The following CBL variants were observed in gnomAD, a reference collection of about 807,000 sequenced individuals.
CBL encodes the protein Cbl proto-oncogene.
In CBL, 45 loss-of-function variants were observed where a neutral mutation model predicts 96.9. The ratio of observed to expected loss-of-function variants is 0.46; its 90% confidence interval spans 0.37 to 0.60. CBL has a LOEUF of 0.60. CBL is among the 20% of genes least tolerant of loss of function. The pLI is 0.00. For missense variants in CBL, 1,024 were observed against 1,143.5 expected, an observed-to-expected ratio of 0.90 and a Z score of 1.51; for synonymous variants, 420 against 426.8, an observed-to-expected ratio of 0.98 and a Z score of 0.20.
At chr11:119,283,595 A>G (rs1949954501) in intron 9 of CBL, among the ~76,000 whole-genome samples, 1 of 145,958 alleles carries the variant, frequency 6.9e-6, no homozygotes, top group Non-Finnish European at 1.5e-5. Context: ...GCTCAAATTG[A>G]CAGAAAATAT....
intron 2 of CBL, among the ~76,000 whole-genome samples, chr11:119,234,681 C>G (rs1434242379): frequency 1.3e-5 from 2 of 152,142 alleles, no homozygotes; most frequent in Non-Finnish European, 2.9e-5. Flanking sequence ...ACCTGTAATT[C>G]TAGCTACTCA....
At chr11:119,249,119 C>T (rs1040553207) in intron 2 of CBL, among the ~76,000 whole-genome samples, 2 of 152,132 alleles carry the variant, frequency 1.3e-5, no homozygotes, top group Admixed American at 6.5e-5. Context: ...AAAGCAAGGA[C>T]TTGAACAGAT....
chr11:119,247,460 G>A lies in CBL; in HGVS notation c.443+14765G>A, dbSNP rs546648543. ...TAGAAAATTCTAAAGAATCCATTAAGAAAACACTAAAGCCAATAAATGAGT... is the reference window on the plus strand; with the variant it reads ...TAGAAAATTCTAAAGAATCCATTAAAAAAACACTAAAGCCAATAAATGAGT... On this transcript the variant is annotated intron_variant, in intron 2 of 15. Transcript: ENST00000264033. Among the ~76,000 whole-genome samples the A allele has an allele frequency of 3.3e-5, 5 of 152,298 alleles. No homozygotes were observed. The South Asian group carries it at 8.3e-4, about 25-fold the overall frequency.
chr11:119,240,891 C>T (rs910384293), intron 2 of CBL, among the ~76,000 whole-genome samples: 11 of 151,852 alleles, frequency 7.2e-5, no homozygotes, highest in South Asian at 4.2e-4. Context: ...TGGCTAACAT[C>T]GTGAAACCCC....
chr11:119,276,165 G>A (rs755770027), intron 6 of CBL, 31 bp downstream of exon 6: 2 of 1,612,872 alleles, frequency 1.2e-6, no homozygotes, highest in African/African-American at 1.3e-5. Flanking sequence ...ATCTGTTAGA[G>A]TCTGGGAACT....
Position 119,306,054 on chromosome 11 carries a change from G to A in CBL, c.*6273G>A. 1 of 377,192 alleles carries A rather than the reference G, an allele frequency of 2.7e-6. No individual in the cohort carries two copies. The highest frequency in any genetic ancestry group is 4.7e-6 in the Non-Finnish European group (1 of 212,698). The allele number at this position is 377,192 out of a possible 1,614,324, so 23.4% of individuals were successfully genotyped here. A position where few individuals can be genotyped will look rare whatever the true frequency, so the allele number is the denominator to read the frequency against. On this transcript the variant is annotated 3_prime_UTR_variant, in exon 16 of 16. Coordinates refer to ENST00000264033, the MANE Select transcript of CBL (RefSeq NM_005188.4). ...ACTGTGTCCCAGGAAATCTGGGTTG[G>A]TTCCAGTGGGAAATACCAGTATTTC... is the stretch of plus-strand genomic sequence containing the variant.
intron 1 of CBL, among the ~76,000 whole-genome samples, chr11:119,219,132 C>G (rs1031708009): frequency 6.6e-6 from 1 of 152,100 alleles, no homozygotes; most frequent in African/African-American, 2.4e-5. Flanking sequence ...AATCTCAGCA[C>G]TGAGGGAGGC....
Position 119,276,124 on chromosome 11 carries a change from A to G in CBL, c.997A>G (p.Arg333Gly). ...CTTCCAAGCACTGATTGATGGCTTC[A>G]GGGAAGGCTTGTGAGTACCTACTGC... ...PLFQALIDGFREGFYLFPDGR... is the reference protein window; with the variant it reads ...PLFQALIDGFGEGFYLFPDGR... Residue 333 changes from arginine (R) to glycine (G), a missense_variant, in exon 6 of 16, where the codon AGG becomes GGG. Physicochemically the swap from Arg to Gly is moderately radical, Grantham distance 125. Transcript: ENST00000264033. 6.2e-7 allele frequency: 1 copy of G among 1,614,066 alleles called. No individual in the cohort carries two copies. Among genetic ancestry groups the G allele is most frequent in the Non-Finnish European group, 8.5e-7 (1 of 1,179,948 alleles).
In CBL at chr11:119,307,343, GGA is replaced by G; in HGVS notation, c.*7564_*7565del. 4.3e-6 allele frequency: 1 copy of G among 232,708 alleles called. No homozygotes were observed. Among genetic ancestry groups the G allele is most frequent in the Non-Finnish European group, 8.5e-6 (1 of 117,714 alleles). The allele number at this position is 232,708 out of a possible 1,614,324, so 14.4% of individuals were successfully genotyped here. On this transcript the variant is annotated 3_prime_UTR_variant, in exon 16 of 16. Coordinates refer to ENST00000264033, the MANE Select transcript of CBL (RefSeq NM_005188.4). The stretch of plus-strand genomic sequence containing the variant: ...GACATTAATTACCTAGTTGTGTCGA[GGA>G]GTATAGGATGGACTCTCCTGAGAAG...
chr11:119,232,517 C>T lies in CBL; in HGVS notation c.265C>T (p.Pro89Ser), dbSNP rs1949511407. Reference protein sequence around the residue: ...NSPPYILDLLPDTYQHLRTIL... With the variant: ...NSPPYILDLLSDTYQHLRTIL... Reference sequence around the variant, plus strand: ...CCCACCTTATATCTTAGACCTGCTACCAGATACCTACCAGCATCTCCGTAC... The same window carrying T: ...CCCACCTTATATCTTAGACCTGCTATCAGATACCTACCAGCATCTCCGTAC... Residue 89 changes from proline to serine, a missense_variant, in exon 2 of 16, where the codon CCA (proline) becomes TCA (serine). Coordinates refer to ENST00000264033, the MANE Select transcript of CBL (RefSeq NM_005188.4). 6.2e-7 allele frequency: 1 copy of T among 1,613,594 alleles called. No homozygotes were observed. The highest frequency in any genetic ancestry group is 8.5e-7 in the Non-Finnish European group (1 of 1,179,520).
intron 1 of CBL, among the ~76,000 whole-genome samples, 156 bp from the exon 2 acceptor site, chr11:119,232,291 GC>G (rs1375382892): frequency 6.6e-6 from 1 of 152,200 alleles, no homozygotes; most frequent in African/African-American, 2.4e-5. Flanking sequence ...TAAAATGGTT[GC>G]CTGTGGGCAA....
chr11:119,208,735 G>A (rs896035729), intron 1 of CBL, among the ~76,000 whole-genome samples: 1 of 152,100 alleles, frequency 6.6e-6, no homozygotes, highest in African/African-American at 2.4e-5. Flanking sequence ...TTATTAAAGT[G>A]TTTCTATAAA....
chr11:119,276,481 A>T lies in CBL; in HGVS notation c.1007+347A>T, dbSNP rs545085450. Among the ~76,000 whole-genome samples, 4 of 152,304 alleles carry T rather than the reference A, an allele frequency of 2.6e-5. No homozygotes were observed. In the South Asian group the frequency reaches 8.3e-4, roughly 32 times the overall value. On this transcript the variant is annotated intron_variant, in intron 6 of 15. Coordinates refer to ENST00000264033, the MANE Select transcript of CBL (RefSeq NM_005188.4). ...TAACTAGTCGGCATTCAAGTGATTC[A>T]ATGTTCCTAATAGCCATAGGCCTCA...
chr11:119,291,229 C>G (rs1222846481), intron 12 of CBL, among the ~76,000 whole-genome samples: 1 of 152,068 alleles, frequency 6.6e-6, no homozygotes, highest in East Asian at 1.9e-4. Context: ...ATACTCCCAT[C>G]TTTACAAAAA....
chr11:119,219,958 T>C (rs1043287208), intron 1 of CBL, among the ~76,000 whole-genome samples: 3 of 151,684 alleles, frequency 2.0e-5, no homozygotes, highest in African/African-American at 7.3e-5. Context: ...CAAGCCATTC[T>C]CCTGCCTCAG....
At chr11:119,285,806 A>G (rs1204993403) in intron 11 of CBL, among the ~76,000 whole-genome samples, 1 of 150,094 alleles carries the variant, frequency 6.7e-6, no homozygotes, top group East Asian at 2.0e-4. Flanking sequence ...TGAGGTGGGA[A>G]TATTGCTTGG....
At position 119,208,068 on chromosome 11, in the gene CBL, A is replaced by G. The variant is rs530374578; in HGVS notation, c.195+1456A>G. ...TAATGACACAAGTATTCGTGTGTTG[A>G]TTATATTGGTGGTGTAGTACTAATT... On this transcript the variant is annotated intron_variant, in intron 1 of 15. Coordinates refer to ENST00000264033, the MANE Select transcript of CBL (RefSeq NM_005188.4). Among the ~76,000 whole-genome samples the G allele has an allele frequency of 5.9e-5, 9 of 152,266 alleles. No homozygotes were observed. In the South Asian group the frequency reaches 1.9e-3, roughly 32 times the overall value.
chr11:119,267,167 A>G (rs1400138894), intron 2 of CBL, among the ~76,000 whole-genome samples: 1 of 152,184 alleles, frequency 6.6e-6, no homozygotes, highest in Non-Finnish European at 1.5e-5. Context: ...AAGAAGTATG[A>G]TGCTTACAGT....
At chr11:119,288,349 T>G (rs2135313303) in intron 12 of CBL, among the ~76,000 whole-genome samples, 1 of 152,240 alleles carries the variant, frequency 6.6e-6, no homozygotes, top group South Asian at 2.1e-4. Flanking sequence ...TAGCAGAAAT[T>G]TATTTTCCCT....
Sources: allele counts gnomAD v4.1 joint callset (sites outside exome capture counted in the v4.1 genomes callset), GRCh38; gene constraint gnomAD v4.1.1; transcripts MANE v1.5; gene names NCBI Gene and HGNC (gene_info 2026-07-23, HGNC 2026-07-21).